PRKAA2: variants seen among roughly 807,000 people sequenced by gnomAD.
The protein encoded by PRKAA2 is 5'-AMP-activated protein kinase catalytic subunit alpha-2.
A neutral mutation model predicts 56.3 loss-of-function variants in PRKAA2; 40 were observed. That is an observed-to-expected ratio of 0.71 (90% CI 0.55 to 0.92). The LOEUF (loss-of-function observed/expected upper bound fraction) is 0.92. Ranked by LOEUF, PRKAA2 falls within the 40% of genes least tolerant of loss-of-function variation. PRKAA2 has a pLI of 0.00. For synonymous variants in PRKAA2, 214 were observed against 234.2 expected (o/e 0.91, Z 0.79); for missense variants, 542 against 686.9 (o/e 0.79, Z 2.36).
chr1:56,655,296 T>G (rs1205504472), intron 1 of PRKAA2, among the ~76,000 whole-genome samples: 1 of 119,192 alleles, frequency 8.4e-6, no homozygotes, highest in African/African-American at 3.5e-5. Flanking sequence ...TTTTTTTTTT[T>G]GTAGAGACAG....
intron 2 of PRKAA2, among the ~76,000 whole-genome samples, chr1:56,686,334 A>T (rs1211110371): frequency 6.6e-6 from 1 of 152,226 alleles, no homozygotes; most frequent in Non-Finnish European, 1.5e-5. Context: ...TTTCAATTGG[A>T]ACATACACAA....
At chr1:56,647,828 G>A (rs1376093060) in intron 1 of PRKAA2, among the ~76,000 whole-genome samples, 1 of 151,614 alleles carries the variant, frequency 6.6e-6, no homozygotes, top group Non-Finnish European at 1.5e-5. Flanking sequence ...TCAGGAGTTT[G>A]AGACCAGCCT....
intron 2 of PRKAA2, among the ~76,000 whole-genome samples, chr1:56,690,456 A>G (rs1644221940): frequency 6.6e-6 from 1 of 152,210 alleles, no homozygotes; most frequent in Non-Finnish European, 1.5e-5. Flanking sequence ...GGCGTGAGCC[A>G]CCACGCCCGG....
chr1:56,686,237 A>G (rs755329975), intron 2 of PRKAA2, among the ~76,000 whole-genome samples: 32 of 152,240 alleles, frequency 2.1e-4, no homozygotes, highest in Non-Finnish European at 4.1e-4. Flanking sequence ...GTGTTTTGCA[A>G]CTGTTGGAGA....
chr1:56,686,152 A>G (rs1458317242), intron 2 of PRKAA2, among the ~76,000 whole-genome samples: 2 of 152,354 alleles, frequency 1.3e-5, no homozygotes, highest in Middle Eastern at 3.4e-3. Context: ...ATGTCCATAC[A>G]TAAATAAGAA....
At chr1:56,662,516 C>T (rs1408810657) in intron 1 of PRKAA2, among the ~76,000 whole-genome samples, 2 of 152,144 alleles carry the variant, frequency 1.3e-5, no homozygotes, top group Non-Finnish European at 2.9e-5. Context: ...CTCCTGAGCT[C>T]ATGTGATCCT....
At chr1:56,691,879 C>CAA (rs1414203137) in intron 3 of PRKAA2, among the ~76,000 whole-genome samples, 2 of 152,110 alleles carry the variant, frequency 1.3e-5, no homozygotes, top group African/African-American at 4.8e-5. Context: ...GCGACAAAGA[C>CAA]AAACTTGTCT....
rs959584373 is a variant in PRKAA2, at chr1:56,713,567, G to A, written c.*5854G>A. The A allele has an allele frequency of 2.0e-5, 3 of 152,050 alleles. No homozygotes were observed. The highest frequency in any genetic ancestry group is 2.9e-5 in the Non-Finnish European group (2 of 67,990). 9.4% of individuals were successfully genotyped at this position (152,050 alleles called of 1,614,324 possible). The stretch of plus-strand genomic sequence containing the variant: ...AAGAATTTGGAGAATATCCTGGCAT[G>A]AAAACTTTTTTGAATAATACGTAGA... On this transcript the variant is annotated 3_prime_UTR_variant, in exon 9 of 9. Coordinates refer to ENST00000371244, the MANE Select transcript of PRKAA2 (RefSeq NM_006252.4).
In PRKAA2 at chr1:56,713,812, A is replaced by G. The variant is rs576757547; in HGVS notation, c.*6099A>G. ...AAAATGGCCATTTTTCTAGACAGAT[A>G]ACATTTTCCTAAAGTGGAAGAGAGA... is the stretch of plus-strand genomic sequence containing the variant. On this transcript the variant is annotated 3_prime_UTR_variant, in exon 9 of 9. Coordinates refer to ENST00000371244, the MANE Select transcript of PRKAA2 (RefSeq NM_006252.4). The G allele has an allele frequency of 4.4e-4, 67 of 150,776 alleles. No individual in the cohort carries two copies. The highest frequency in any genetic ancestry group is 8.0e-4 in the Admixed American group (12 of 15,094). 9.3% of individuals were successfully genotyped at this position (150,776 alleles called of 1,614,324 possible).
At chr1:56,682,919 G>T (rs953662100) in intron 2 of PRKAA2, among the ~76,000 whole-genome samples, 9 of 152,020 alleles carry the variant, frequency 5.9e-5, no homozygotes, top group Non-Finnish European at 1.0e-4. Flanking sequence ...CCACTGTGTT[G>T]GACAGAGCAG....
intron 2 of PRKAA2, among the ~76,000 whole-genome samples, chr1:56,684,985 G>C (rs143827335): frequency 6.6e-6 from 1 of 152,166 alleles, no homozygotes; most frequent in Non-Finnish European, 1.5e-5. Context: ...AAGTCCCTTC[G>C]TAGGTGTGGG....
At chr1:56,697,127 C>T (rs946887681) in intron 6 of PRKAA2, among the ~76,000 whole-genome samples, 4 of 150,404 alleles carry the variant, frequency 2.7e-5, no homozygotes, top group Middle Eastern at 3.4e-3. Flanking sequence ...GTTCCTCCCA[C>T]CCCAGGCTCC....
intron 6 of PRKAA2, among the ~76,000 whole-genome samples, chr1:56,698,076 ATTCTT>A (rs1413980264): frequency 1.4e-5 from 2 of 138,010 alleles, no homozygotes; most frequent in African/African-American, 5.4e-5. Context: ...CATTTTTTTA[ATTCTT>A]TTTTTTTTTT....
intron 1 of PRKAA2, among the ~76,000 whole-genome samples, chr1:56,648,368 A>G (rs1215327594): frequency 6.6e-6 from 1 of 152,222 alleles, no homozygotes; most frequent in African/African-American, 2.4e-5. Context: ...AGATTCATGC[A>G]TGACATAGCA....
chr1:56,707,548 A>G lies in PRKAA2; in HGVS notation c.1494A>G (p.Pro498=), dbSNP rs745820360. ...RSCSAAGLHR[P]RSSFDSTTAE... is the part of the protein sequence containing the mutation. ...GTTCTGCTGCTGGCTTACACAGACC[A>G]AGATCAAGTTTTGATTCCACAACTG... is the stretch of plus-strand genomic sequence containing the variant. Residue 498 remains proline, a synonymous_variant, in exon 9 of 9, where the codon CCA becomes CCG. Coordinates refer to ENST00000371244, the MANE Select transcript of PRKAA2 (RefSeq NM_006252.4). 4.3e-6 allele frequency: 7 copies of G among 1,614,070 alleles called. No homozygotes were observed. The East Asian group carries it at 1.1e-4, about 26-fold the overall frequency.
chr1:56,715,122 A>G lies in PRKAA2; in HGVS notation c.*7409A>G, dbSNP rs963019224. The G allele has an allele frequency of 3.3e-5, 5 of 152,172 alleles. No individual in the cohort carries two copies. Among genetic ancestry groups the G allele is most frequent in the African/African-American group, 7.2e-5 (3 of 41,444 alleles). 9.4% of individuals were successfully genotyped at this position (152,172 alleles called of 1,614,324 possible). ...GTTATATACTTTTTGTGAGTGTTAA[A>G]TGATATGGGAAGGATTTGTCTTTCA... On this transcript the variant is annotated 3_prime_UTR_variant, in exon 9 of 9. Coordinates refer to ENST00000371244, the MANE Select transcript of PRKAA2 (RefSeq NM_006252.4).
At chr1:56,664,410 A>G (rs1014300780) in intron 1 of PRKAA2, among the ~76,000 whole-genome samples, 6 of 152,108 alleles carry the variant, frequency 3.9e-5, no homozygotes, top group Non-Finnish European at 8.8e-5. Context: ...TAGTTTTTTC[A>G]TAATATGCAT....
intron 1 of PRKAA2, among the ~76,000 whole-genome samples, chr1:56,653,625 A>T (rs1356719798): frequency 6.6e-6 from 1 of 152,176 alleles, no homozygotes; most frequent in Non-Finnish European, 1.5e-5. Flanking sequence ...AGAAGTACTT[A>T]TGTACTTTTG....
intron 1 of PRKAA2, among the ~76,000 whole-genome samples, chr1:56,659,828 G>A (rs1330764802): frequency 2.0e-5 from 3 of 152,076 alleles, no homozygotes; most frequent in Non-Finnish European, 1.5e-5. Flanking sequence ...GGATCGCTTA[G>A]GCCTGGGAGG....
Sources: gnomAD v4.1 joint callset for allele counts (sites outside exome capture counted in the v4.1 genomes callset) on GRCh38, gnomAD v4.1.1 for gene constraint, MANE v1.5 for transcripts, NCBI Gene and HGNC (gene_info 2026-07-23, HGNC 2026-07-21) for gene names.